RAD54L2: variants seen among roughly 807,000 people sequenced by gnomAD.
The protein encoded by RAD54L2 is RAD54 like 2.
RAD54L2 carries 27 observed loss-of-function variants against 138.4 expected under a neutral mutation model. The ratio of observed to expected loss-of-function variants is 0.20; its 90% CI spans 0.14 to 0.27. The LOEUF (loss-of-function observed/expected upper bound fraction) is 0.27, where lower values mean the gene tolerates loss of function less well. RAD54L2 is among the 10% of genes least tolerant of loss of function. The probability of loss-of-function intolerance (pLI) is 1.00; values close to 1 mark genes in which losing one functional copy is unlikely to be tolerated. For missense variants in RAD54L2, 1,396 were observed against 1,890.2 expected (o/e 0.74, Z 4.85); for synonymous variants, 644 against 723.2 (o/e 0.89, Z 1.76).
chr3:51,655,238 C>T (rs1412385985), intron 19 of RAD54L2, among the ~76,000 whole-genome samples: 4 of 151,660 alleles, frequency 2.6e-5, no homozygotes, highest in Non-Finnish European at 4.4e-5. Context: ...GGCCCAAAGA[C>T]GAAAGATGCA....
chr3:51,641,813 C>T lies in RAD54L2; in HGVS notation c.2296C>T (p.Pro766Ser), dbSNP rs1490372795. 1 of 1,600,414 alleles carries T rather than the reference C, an allele frequency of 6.2e-7. No homozygotes were observed. The highest frequency in any genetic ancestry group is 8.5e-7 in the Non-Finnish European group (1 of 1,173,236). ...FLGKREVPCP[P>S]GTEGQGAQKW... ...TGGAAAACGAGAAGTACCCTGTCCACCTGGTACCGAGGGGCAAGGAGCACA... is the reference window on the plus strand; with the variant it reads ...TGGAAAACGAGAAGTACCCTGTCCATCTGGTACCGAGGGGCAAGGAGCACA... Residue 766 changes from proline (P) to serine (S), a missense_variant, in exon 15 of 23, where the codon CCT becomes TCT. Pro to Ser is a moderately conservative substitution (Grantham distance 74). Around this residue, in one of 7 missense-constraint regions of RAD54L2, gnomAD observed 211 missense variants for 273.8 expected, o/e 0.77. Transcript: ENST00000684192.
chr3:51,658,417 G>C (rs1701664671), intron 21 of RAD54L2, among the ~76,000 whole-genome samples: 1 of 152,194 alleles, frequency 6.6e-6, no homozygotes. Context: ...TTGCATGATA[G>C]AATTTTTGCA....
rs757064492 is a variant in RAD54L2, at chr3:51,645,697, C to T, written c.2763C>T (p.Asn921=). ...EKEPAPQVSL[N]VKGIKESVLQ... ...AGCCAGCTCCCCAAGTTTCCTTGAA[C>T]GTAAAGGGGATCAAGGAGTCAGTCC... The change falls in exon 18 of 23, where the codon AAC becomes AAT. Residue 921 remains asparagine, a synonymous_variant. Coordinates refer to ENST00000684192, the MANE Select transcript of RAD54L2 (RefSeq NM_015106.4). The surrounding 1 kb of genome is among the most constrained non-coding windows in gnomAD (Gnocchi z 6.1). The T allele has an allele frequency of 2.5e-5, 40 of 1,612,568 alleles. No homozygotes were observed. Among genetic ancestry groups the T allele is most frequent in the South Asian group, 1.3e-4 (12 of 90,644 alleles).
In RAD54L2 at chr3:51,645,719, G is replaced by C; in HGVS notation, c.2785G>C (p.Val929Leu). 1.9e-6 allele frequency: 3 copies of C among 1,612,970 alleles called. No homozygotes were observed. The highest frequency in any genetic ancestry group is 2.5e-6 in the Non-Finnish European group (3 of 1,179,544). The part of the protein sequence containing the change: ...SLNVKGIKES[V>L]LQLACLKYPH... ...GAACGTAAAGGGGATCAAGGAGTCA[G>C]TCCTGCAACTGGCCTGTCTGAAGTA... is the stretch of plus-strand genomic sequence containing the variant. Residue 929 changes from valine to leucine, a missense_variant, in exon 18 of 23, where the codon GTC becomes CTC. By Grantham distance (32) the Val-to-Leu change is conservative (BLOSUM62 1). Transcript: ENST00000684192. The surrounding 1 kb of genome is among the most constrained non-coding windows in gnomAD (Gnocchi z 6.1).
chr3:51,646,429 C>A lies in RAD54L2; in HGVS notation c.2974C>A (p.Pro992Thr), dbSNP rs1701281685. Reference sequence around the variant, plus strand: ...CCGCCCATCGTATGCGCAGTATTACCCTGCCAGCGATCAGAGCCTGACCAG... The same window carrying A: ...CCGCCCATCGTATGCGCAGTATTACACTGCCAGCGATCAGAGCCTGACCAG... ...YTRPSYAQYY[P>T]ASDQSLTSIP... Residue 992 changes from proline (P) to threonine (T), a missense_variant, in exon 19 of 23, where the codon CCT becomes ACT. By Grantham distance (38) the Pro-to-Thr change is conservative (BLOSUM62 -1). Transcript: ENST00000684192. 1 of 1,613,682 alleles carries A rather than the reference C, an allele frequency of 6.2e-7. No homozygotes were observed. The highest frequency in any genetic ancestry group is 8.5e-7 in the Non-Finnish European group (1 of 1,179,828).
intron 3 of RAD54L2, among the ~76,000 whole-genome samples, chr3:51,599,383 A>T (rs901800958): frequency 5.3e-5 from 8 of 152,128 alleles, no homozygotes; most frequent in African/African-American, 1.9e-4. Context: ...TAGGGATAGG[A>T]TTAGGGGCAG....
chr3:51,580,147 C>G (rs1387435576), intron 2 of RAD54L2, among the ~76,000 whole-genome samples: 1 of 152,194 alleles, frequency 6.6e-6, no homozygotes, highest in Non-Finnish European at 1.5e-5. Context: ...TAACTTCTGA[C>G]TGACCAGCTA....
At chr3:51,597,691 G>C (rs138399948) in intron 3 of RAD54L2, among the ~76,000 whole-genome samples, 1 of 152,086 alleles carries the variant, frequency 6.6e-6, no homozygotes. Context: ...AGCTGGGTAT[G>C]GTGGCCCATG....
intron 3 of RAD54L2, among the ~76,000 whole-genome samples, chr3:51,601,309 G>GTTTTTTTTTTTTTT: frequency 6.9e-6 from 1 of 145,774 alleles, no homozygotes; most frequent in African/African-American, 2.6e-5. Flanking sequence ...ACTGCGCCCG[G>GTTTTTTTTTTTTTT]CTTTTTTTTT....
intron 2 of RAD54L2, among the ~76,000 whole-genome samples, chr3:51,583,175 G>A (rs945597959): frequency 2.0e-5 from 3 of 152,066 alleles, no homozygotes; most frequent in Non-Finnish European, 4.4e-5. Context: ...ATTGTTTTAC[G>A]CATTTGAAAA....
At chr3:51,587,549 A>G (rs1477866228) in intron 2 of RAD54L2, among the ~76,000 whole-genome samples, 2 of 152,152 alleles carry the variant, frequency 1.3e-5, no homozygotes, top group Non-Finnish European at 2.9e-5. Flanking sequence ...GTGAGTTATT[A>G]ATGCAAAAAT....
At chr3:51,655,908 C>T (rs1322209315) in intron 19 of RAD54L2, 63 bp from the exon 20 acceptor site, 1 of 1,441,192 alleles carries the variant, frequency 6.9e-7, no homozygotes, top group Non-Finnish European at 9.5e-7. Flanking sequence ...GGCTCTGTAG[C>T]CTTTGGAAAA....
At chr3:51,605,035 G>T (rs1481935079) in intron 3 of RAD54L2, among the ~76,000 whole-genome samples, 1 of 150,970 alleles carries the variant, frequency 6.6e-6, no homozygotes, top group Non-Finnish European at 1.5e-5. Flanking sequence ...GATTCTTCCT[G>T]CCTCAGCCTC....
chr3:51,638,156 T>C lies in RAD54L2; in HGVS notation c.1695T>C (p.Thr565=). ...TTTGCCTCCATAGGAGAGGCCACAC[T>C]GTGCTGAAGATTCATCTCCCTGCCA... The part of the protein sequence containing the change: ...LEGFVQRRGH[T]VLKIHLPAKE... Residue 565 remains threonine, a synonymous_variant, in exon 12 of 23, where the codon ACT becomes ACC. Transcript: ENST00000684192. This position sits in a 1 kb window ranked among gnomAD's most constrained non-coding sequence, Gnocchi z 4.3. The C allele has an allele frequency of 1.9e-6, 3 of 1,613,472 alleles. No homozygotes were observed. Among genetic ancestry groups the C allele is most frequent in the Non-Finnish European group, 2.5e-6 (3 of 1,179,612 alleles).
intron 3 of RAD54L2, among the ~76,000 whole-genome samples, chr3:51,591,810 C>T (rs1699845902): frequency 6.6e-6 from 1 of 152,068 alleles, no homozygotes; most frequent in Non-Finnish European, 1.5e-5. Flanking sequence ...TTACAGACAC[C>T]CTTAGAACTC....
At chr3:51,643,836 C>A in intron 15 of RAD54L2, 39 bp from the exon 16 acceptor site, 1 of 1,476,478 alleles carries the variant, frequency 6.8e-7, no homozygotes, top group South Asian at 1.2e-5. Context: ...TATCCTTGCT[C>A]TAATATATCC....
intron 3 of RAD54L2, among the ~76,000 whole-genome samples, chr3:51,617,743 G>A (rs1334702923): frequency 6.6e-6 from 1 of 152,124 alleles, no homozygotes; most frequent in Non-Finnish European, 1.5e-5. Flanking sequence ...AGGTGTGGTA[G>A]TGCTTGCCTG....
chr3:51,595,305 G>T (rs1699937470), intron 3 of RAD54L2, among the ~76,000 whole-genome samples: 1 of 152,190 alleles, frequency 6.6e-6, no homozygotes, highest in Non-Finnish European at 1.5e-5. Context: ...GGGTAATGAG[G>T]ATTAGAACTG....
At chr3:51,572,214 C>T (rs967882821) in intron 2 of RAD54L2, among the ~76,000 whole-genome samples, 4 of 152,024 alleles carry the variant, frequency 2.6e-5, no homozygotes, top group Admixed American at 6.6e-5. Flanking sequence ...TTTGGGAGGC[C>T]GAGGTGGGTG....
Sources: allele counts gnomAD v4.1 joint callset (sites outside exome capture counted in the v4.1 genomes callset), GRCh38; gene constraint gnomAD v4.1.1; regional missense constraint gnomAD v4.1.1; non-coding constraint Gnocchi (gnomAD v3.1); transcripts MANE v1.5; gene names NCBI Gene and HGNC (gene_info 2026-07-23, HGNC 2026-07-21).